Variants in SCARA3 observed in about 807,000 individuals in gnomAD.
SCARA3 encodes the protein cellular stress response gene protein.
In SCARA3, 39 loss-of-function variants were observed where a neutral mutation model predicts 47.0. The ratio of observed to expected loss-of-function variants is 0.83; its 90% CI spans 0.64 to 1.08. The LOEUF is 1.08. Among genes scored for constraint, SCARA3 ranks in the 50% least tolerant of loss-of-function variants. SCARA3 has a pLI of 0.00. For synonymous variants in SCARA3, 356 were observed against 334.1 expected, an observed-to-expected ratio of 1.07 and a Z score of -0.71; for missense variants, 724 against 792.3, an observed-to-expected ratio of 0.91 and a Z score of 1.04.
chr8:27,659,298 G>T lies in SCARA3; in HGVS notation c.1128G>T (p.Lys376Asn). The change falls in exon 5 of 6, where the codon AAG (lysine) becomes AAT (asparagine). Residue 376 changes from lysine (K) to asparagine (N), a missense_variant. By Grantham distance (94) the Lys-to-Asn change is moderately conservative (BLOSUM62 0). Coordinates refer to ENST00000301904, the MANE Select transcript of SCARA3 (RefSeq NM_016240.3). The stretch of plus-strand genomic sequence containing the variant: ...ACAACCACGTGCACAGCATGCTCAA[G>T]TACCTGGATGACGTGCGGCTCTCCT... The part of the protein sequence containing the change: ...ATDNHVHSML[K>N]YLDDVRLSCT... 1 of 1,614,046 alleles carries T rather than the reference G, an allele frequency of 6.2e-7. No individual in the cohort carries two copies. Among genetic ancestry groups the T allele is most frequent in the Non-Finnish European group, 8.5e-7 (1 of 1,180,016 alleles).
At chr8:27,722,549 C>T in the SCARA3 span, among the ~76,000 whole-genome samples, 1 of 152,222 alleles carries the variant, frequency 6.6e-6, no homozygotes, top group Non-Finnish European at 1.5e-5. Context: ...TCTCCAAAAG[C>T]CACCCACAGT....
At chr8:27,697,879 A>T in the SCARA3 span, among the ~76,000 whole-genome samples, 1 of 152,102 alleles carries the variant, frequency 6.6e-6, no homozygotes, top group Non-Finnish European at 1.5e-5. Flanking sequence ...AGCCATACAG[A>T]CCTATGAGTC....
downstream of SCARA3, among the ~76,000 whole-genome samples, chr8:27,673,902 T>A (rs930857883): frequency 2.0e-5 from 3 of 152,074 alleles, no homozygotes; most frequent in African/African-American, 7.2e-5. Flanking sequence ...AGTCTGAGGC[T>A]CAAGTCTCTT....
intron 1 of SCARA3, among the ~76,000 whole-genome samples, chr8:27,638,955 C>G (rs2128914578): frequency 6.6e-6 from 1 of 152,244 alleles, no homozygotes. Context: ...GTTCCCTGAA[C>G]AATCTCTCCC....
In SCARA3 at chr8:27,651,455, G is replaced by A. The variant is rs1310196367; in HGVS notation, c.107-53G>A. 1.9e-5 allele frequency: 30 copies of A among 1,592,728 alleles called. No individual in the cohort carries two copies. In the South Asian group the frequency reaches 2.5e-4, roughly 13 times the overall value. The stretch of plus-strand genomic sequence containing the variant: ...GCAGGAACATGGAACTGACCCTTCA[G>A]CTCCAACCTGGGCCCCTGGCCTAAG... On this transcript the variant is annotated intron_variant, in intron 2 of 5. Coordinates refer to ENST00000301904, the MANE Select transcript of SCARA3 (RefSeq NM_016240.3).
At position 27,659,194 on chromosome 8, in the gene SCARA3, A is replaced by G; in HGVS notation, c.1024A>G (p.Arg342Gly). The change falls in exon 5 of 6, where the codon AGG (arginine) becomes GGG (glycine). Residue 342 changes from arginine (R) to glycine (G), a missense_variant. Coordinates refer to ENST00000301904, the MANE Select transcript of SCARA3 (RefSeq NM_016240.3). ...CTACGCCCAGAACCGCACTGTGGAG[A>G]GGTTTGAGTCTCTGGAAGGACGCAT... Reference protein sequence around the residue: ...THYAQNRTVERFESLEGRMAS... With the variant: ...THYAQNRTVEGFESLEGRMAS... 1 of 1,613,842 alleles carries G rather than the reference A, an allele frequency of 6.2e-7. No homozygotes were observed. Among genetic ancestry groups the G allele is most frequent in the Non-Finnish European group, 8.5e-7 (1 of 1,179,962 alleles).
At chr8:27,662,802 A>C (rs1218560041) in intron 5 of SCARA3, among the ~76,000 whole-genome samples, 1 of 152,192 alleles carries the variant, frequency 6.6e-6, no homozygotes, top group Admixed American at 6.5e-5. Flanking sequence ...GCCCATGGGT[A>C]ACCTCCATAC....
intron 5 of SCARA3, among the ~76,000 whole-genome samples, chr8:27,662,481 G>A (rs1222179813): frequency 6.6e-6 from 1 of 152,252 alleles, no homozygotes; most frequent in Non-Finnish European, 1.5e-5. Context: ...TCAGTCAGGA[G>A]CAATGCTGTG....
chr8:27,714,823 T>G, the SCARA3 span, among the ~76,000 whole-genome samples: 2 of 152,240 alleles, frequency 1.3e-5, no homozygotes, highest in Non-Finnish European at 2.9e-5. Context: ...CAGTATTGCT[T>G]TACATTTACA....
chr8:27,664,746 TA>T (rs1801980474), intron 5 of SCARA3, among the ~76,000 whole-genome samples: 1 of 148,324 alleles, frequency 6.7e-6, no homozygotes, highest in Admixed American at 7.5e-5. Context: ...GTTCCATGAC[TA>T]GGAGTCCTAG....
At chr8:27,675,184 C>A (rs973007289), downstream of SCARA3, among the ~76,000 whole-genome samples, 2 of 152,222 alleles carry the variant, frequency 1.3e-5, no homozygotes, top group Non-Finnish European at 2.9e-5. Flanking sequence ...GCTGGGCAAG[C>A]CTTCTGCCGT....
chr8:27,643,266 C>CAAG (rs1418690260), intron 1 of SCARA3, among the ~76,000 whole-genome samples: 40 of 152,066 alleles, frequency 2.6e-4, no homozygotes, highest in African/African-American at 9.2e-4. Context: ...CTGTGGTTAC[C>CAAG]AAGAACAGGG....
chr8:27,659,489 C>T lies in SCARA3; in HGVS notation c.1319C>T (p.Ala440Val). 2 of 1,613,822 alleles carry T rather than the reference C, an allele frequency of 1.2e-6. No individual in the cohort carries two copies. The highest frequency in any genetic ancestry group is 1.7e-6 in the Non-Finnish European group (2 of 1,179,896). Reference protein sequence around the residue: ...NLSMIVEEMKAVDTQHGEILR... With the variant: ...NLSMIVEEMKVVDTQHGEILR... ...TCCATGATCGTGGAGGAGATGAAGG[C>T]AGTGGACACACAGCATGGAGAAATC... Residue 440 changes from alanine (A) to valine (V), a missense_variant, in exon 5 of 6, where the codon GCA becomes GTA. Coordinates refer to ENST00000301904, the MANE Select transcript of SCARA3 (RefSeq NM_016240.3).
rs1192348227 is a variant in SCARA3 at position 27,651,645 on chromosome 8, C to T, written c.226+18C>T. On this transcript the variant is annotated intron_variant, in intron 3 of 5. Transcript: ENST00000301904. ...CTCTCTGGGTGAGTCCGGGGCTTTCCCACCCCGGGCTGCAGGGGGGTGTCT... is the reference window on the plus strand; with the variant it reads ...CTCTCTGGGTGAGTCCGGGGCTTTCTCACCCCGGGCTGCAGGGGGGTGTCT... 6.2e-7 allele frequency: 1 copy of T among 1,612,620 alleles called. No homozygotes were observed. The highest frequency in any genetic ancestry group is 2.2e-5 in the East Asian group (1 of 44,860).
the SCARA3 span, among the ~76,000 whole-genome samples, chr8:27,685,676 A>T: frequency 2.6e-5 from 4 of 152,204 alleles, no homozygotes; most frequent in African/African-American, 9.7e-5. Context: ...AGAGAACCAG[A>T]CATGACCTGC....
At chr8:27,707,671 G>A in the SCARA3 span, among the ~76,000 whole-genome samples, 1 of 151,716 alleles carries the variant, frequency 6.6e-6, no homozygotes, top group Non-Finnish European at 1.5e-5. Context: ...AAATAAATAA[G>A]AAAATTTTCC....
the SCARA3 span, among the ~76,000 whole-genome samples, chr8:27,721,382 C>T: frequency 7.2e-5 from 11 of 152,136 alleles, no homozygotes; most frequent in Middle Eastern, 3.2e-3. Flanking sequence ...AAGTAACAAA[C>T]ATTTCAGGTC....
the SCARA3 span, among the ~76,000 whole-genome samples, chr8:27,717,789 AAAG>A: frequency 2.6e-5 from 4 of 152,192 alleles, no homozygotes; most frequent in South Asian, 8.3e-4. Flanking sequence ...CATCTCAAAA[AAAG>A]AAGAAGAAAA....
chr8:27,693,062 C>T, the SCARA3 span, among the ~76,000 whole-genome samples: 1 of 149,936 alleles, frequency 6.7e-6, no homozygotes, highest in Non-Finnish European at 1.5e-5. Flanking sequence ...GAGGCAGAGG[C>T]TGTAGTGAGC....
Sources: allele counts gnomAD v4.1 joint callset (sites outside exome capture counted in the v4.1 genomes callset), GRCh38; gene constraint gnomAD v4.1.1; transcripts MANE v1.5; gene names NCBI Gene and HGNC (gene_info 2026-07-23, HGNC 2026-07-21).